Variants in ARNT2 observed in about 807,000 individuals in gnomAD.
ARNT2 encodes the protein aryl hydrocarbon receptor nuclear translocator 2, also known as ARNT protein 2.
Under a neutral mutation model 91.7 loss-of-function variants are expected in ARNT2, and 36 were observed. That is an observed-to-expected ratio of 0.39 (90% CI 0.30 to 0.52). ARNT2 has a LOEUF of 0.52. Ranked by LOEUF, ARNT2 falls within the 20% of genes least tolerant of loss-of-function variation. The probability of loss-of-function intolerance (pLI) is 0.72; values close to 1 mark genes in which losing one functional copy is unlikely to be tolerated. For synonymous variants in ARNT2, 365 were observed against 347.1 expected (o/e 1.05, Z -0.57); for missense variants, 775 against 939.3 (o/e 0.83, Z 2.29).
At chr15:80,420,201 A>G (rs1895842883) in intron 1 of ARNT2, among the ~76,000 whole-genome samples, 1 of 138,728 alleles carries the variant, frequency 7.2e-6, no homozygotes, top group African/African-American at 2.7e-5. Flanking sequence ...GACTATACAG[A>G]TGGTCCCCAG....
At chr15:80,564,532 T>A (rs1898437747) in intron 12 of ARNT2, among the ~76,000 whole-genome samples, 1 of 152,192 alleles carries the variant, frequency 6.6e-6, no homozygotes, top group South Asian at 2.1e-4. Context: ...CCTGGATTTT[T>A]TTTTTTAATT....
intron 8 of ARNT2, among the ~76,000 whole-genome samples, chr15:80,545,073 C>T (rs1200489562): frequency 6.6e-6 from 1 of 152,178 alleles, no homozygotes; most frequent in Admixed American, 6.5e-5. Flanking sequence ...TCTAAGGACA[C>T]CTCCTACCCT....
intron 8 of ARNT2, among the ~76,000 whole-genome samples, chr15:80,544,205 C>T (rs565252621): frequency 6.6e-6 from 1 of 152,280 alleles, no homozygotes; most frequent in South Asian, 2.1e-4. Flanking sequence ...GTCAGTTCTG[C>T]GTCATGTTTT....
At chr15:80,521,169 C>G (rs957286536) in intron 8 of ARNT2, among the ~76,000 whole-genome samples, 4 of 152,206 alleles carry the variant, frequency 2.6e-5, no homozygotes, top group Admixed American at 6.5e-5. Flanking sequence ...TCTGATGTTA[C>G]TTCTGTTTAG....
Position 80,563,075 on chromosome 15 carries a change from A to T in ARNT2, c.1165-13A>T, listed in dbSNP as rs377684761. Reference sequence around the variant, plus strand: ...TTCCTCCTGCTGACTTCCTTCTCCAAATGTTTTCTCAGGTGGTTAAGCTGA... The same window carrying T: ...TTCCTCCTGCTGACTTCCTTCTCCATATGTTTTCTCAGGTGGTTAAGCTGA... On this transcript the variant is annotated splice_polypyrimidine_tract_variant and intron_variant, in intron 11 of 18. Transcript: ENST00000303329. 1 of 1,613,672 alleles carries T rather than the reference A, an allele frequency of 6.2e-7. No homozygotes were observed. The highest frequency in any genetic ancestry group is 8.5e-7 in the Non-Finnish European group (1 of 1,179,910).
intron 1 of ARNT2, among the ~76,000 whole-genome samples, chr15:80,438,609 T>C (rs1330868812): frequency 6.6e-6 from 1 of 152,214 alleles, no homozygotes; most frequent in Non-Finnish European, 1.5e-5. Flanking sequence ...TTCTGTTTTA[T>C]AGTAGTATTT....
intron 5 of ARNT2, among the ~76,000 whole-genome samples, chr15:80,503,381 AG>A (rs1291182393): frequency 1.3e-5 from 2 of 152,254 alleles, no homozygotes; most frequent in African/African-American, 4.8e-5. Flanking sequence ...ATGCTTTCAG[AG>A]GAGCCTGAAG....
intron 17 of ARNT2, among the ~76,000 whole-genome samples, chr15:80,588,842 T>C (rs1893222803): frequency 6.6e-6 from 1 of 152,244 alleles, no homozygotes; most frequent in African/African-American, 2.4e-5. Context: ...CCTCTGACTC[T>C]TAGAGCAGCT....
chr15:80,426,236 G>C (rs1478130114), intron 1 of ARNT2, among the ~76,000 whole-genome samples: 5 of 152,220 alleles, frequency 3.3e-5, no homozygotes, highest in African/African-American at 1.2e-4. Flanking sequence ...GGATACAAGA[G>C]AAAAGAGAGA....
At chr15:80,469,071 C>T (rs1896697814) in intron 3 of ARNT2, among the ~76,000 whole-genome samples, 1 of 152,100 alleles carries the variant, frequency 6.6e-6, no homozygotes. Flanking sequence ...ATTTTTTGAA[C>T]ACCAGTGAAA....
chr15:80,575,122 A>G lies in ARNT2; in HGVS notation c.1513+12A>G, dbSNP rs1463091249. On this transcript the variant is annotated intron_variant, in intron 14 of 18. Coordinates refer to ENST00000303329, the MANE Select transcript of ARNT2 (RefSeq NM_014862.4). The stretch of plus-strand genomic sequence containing the variant: ...AGGAATTAGTGCATGTAAGTTTCCA[A>G]ATGGTACTGAGGTTTTGAGAGTGTG... 2 of 1,613,822 alleles carry G rather than the reference A, an allele frequency of 1.2e-6. No homozygotes were observed. Among genetic ancestry groups the G allele is most frequent in the Non-Finnish European group, 1.7e-6 (2 of 1,179,816 alleles).
At chr15:80,552,543 G>A in intron 9 of ARNT2, 97 bp from the exon 10 acceptor site, 1 of 1,437,574 alleles carries the variant, frequency 7.0e-7, no homozygotes, top group Non-Finnish European at 9.5e-7. Flanking sequence ...AAGGATCTTT[G>A]AAGTGAAATG....
intron 8 of ARNT2, among the ~76,000 whole-genome samples, chr15:80,546,825 C>T (rs1005191311): frequency 6.6e-6 from 1 of 151,688 alleles, no homozygotes; most frequent in Non-Finnish European, 1.5e-5. Context: ...TAGCCATGTG[C>T]GGTGGCAGGC....
At chr15:80,515,844 A>G (rs74337904) in intron 8 of ARNT2, among the ~76,000 whole-genome samples, 6 of 149,202 alleles carry the variant, frequency 4.0e-5, no homozygotes, top group African/African-American at 1.5e-4. Context: ...AACAATGTGT[A>G]TACTGCTGTT....
At chr15:80,586,513 G>A (rs2141485416) in intron 17 of ARNT2, among the ~76,000 whole-genome samples, 1 of 152,254 alleles carries the variant, frequency 6.6e-6, no homozygotes, top group Non-Finnish European at 1.5e-5. Context: ...AAAGAGCCAT[G>A]TCCATCCCAG....
intron 1 of ARNT2, among the ~76,000 whole-genome samples, chr15:80,445,974 G>A (rs190789624): frequency 7.2e-5 from 11 of 152,164 alleles, no homozygotes; most frequent in Non-Finnish European, 1.3e-4. Flanking sequence ...CCTTACCATA[G>A]CAAAATGACT....
In ARNT2 at chr15:80,591,482, A is replaced by G; in HGVS notation, c.1919-86A>G. ...ATGGAACGTGCCTTTCAGAAGCGGG[A>G]GGCCCTCCAGCCGCAGTGGTTCTTA... is the stretch of plus-strand genomic sequence containing the variant. On this transcript the variant is annotated intron_variant, in intron 17 of 18. Coordinates refer to ENST00000303329, the MANE Select transcript of ARNT2 (RefSeq NM_014862.4). This position sits in a 1 kb window ranked among gnomAD's most constrained non-coding sequence, Gnocchi z 5.1. The G allele has an allele frequency of 6.4e-7, 1 of 1,557,410 alleles. No homozygotes were observed. The highest frequency in any genetic ancestry group is 8.8e-7 in the Non-Finnish European group (1 of 1,137,862).
chr15:80,511,187 T>C (rs1237244320), intron 6 of ARNT2, among the ~76,000 whole-genome samples: 5 of 152,170 alleles, frequency 3.3e-5, no homozygotes, highest in Non-Finnish European at 4.4e-5. Context: ...CATGGAATAC[T>C]ATACAGTCAT....
chr15:80,465,946 G>A (rs1306821452), intron 3 of ARNT2, among the ~76,000 whole-genome samples: 1 of 152,192 alleles, frequency 6.6e-6, no homozygotes, highest in East Asian at 1.9e-4. Context: ...TGTTGCCCCT[G>A]CTTTTCCGTG....
Sources: gnomAD v4.1 joint callset for allele counts (sites outside exome capture counted in the v4.1 genomes callset) on GRCh38, gnomAD v4.1.1 for gene constraint, Gnocchi (gnomAD v3.1) non-coding constraint, MANE v1.5 for transcripts, NCBI Gene and HGNC (gene_info 2026-07-23, HGNC 2026-07-21) for gene names.